The following CHRM3 variants were observed in gnomAD, a reference collection of about 807,000 sequenced individuals.
CHRM3 encodes muscarinic acetylcholine receptor M3.
In CHRM3, 11 loss-of-function variants were observed where a neutral mutation model predicts 41.8. The ratio of observed to expected loss-of-function variants is 0.26; its 90% confidence interval spans 0.17 to 0.44. The LOEUF is 0.44. Among genes scored for constraint, CHRM3 ranks in the 20% least tolerant of loss-of-function variants. The pLI, the probability that CHRM3 is intolerant of heterozygous loss-of-function variation, is 1.00. For synonymous variants in CHRM3, 297 were observed against 301.4 expected, an observed-to-expected ratio of 0.99 and a Z score of 0.15; for missense variants, 571 against 745.4, an observed-to-expected ratio of 0.77 and a Z score of 2.72.
At chr1:239,874,285 GTATATATATA>G (rs758413973) in intron 6 of CHRM3, among the ~76,000 whole-genome samples, 5,954 of 82,924 alleles carry the variant, frequency 0.072, 333 homozygotes, top group Non-Finnish European at 0.079. Context: ...TATATACACA[GTATATATATA>G]TATATATATA....
At chr1:239,832,265 G>A (rs527387294) in intron 6 of CHRM3, among the ~76,000 whole-genome samples, 5 of 152,000 alleles carry the variant, frequency 3.3e-5, no homozygotes, top group Non-Finnish European at 7.4e-5. Context: ...TTATAATTTT[G>A]TCAAGCTGAG....
At chr1:239,867,731 A>T (rs1383812085) in intron 6 of CHRM3, among the ~76,000 whole-genome samples, 2 of 151,882 alleles carry the variant, frequency 1.3e-5, no homozygotes, top group African/African-American at 2.4e-5. Context: ...AGATGGCGGA[A>T]CTTAACATCG....
intron 1 of CHRM3, among the ~76,000 whole-genome samples, chr1:239,407,373 A>G (rs1159416448): frequency 7.0e-6 from 1 of 142,936 alleles, no homozygotes; most frequent in Non-Finnish European, 1.6e-5. Context: ...AACGCCCACT[A>G]CAATATGAGC....
chr1:239,658,298 A>G lies in CHRM3; in HGVS notation c.-249-19888A>G, dbSNP rs532049976. On this transcript the variant is annotated intron_variant, in intron 4 of 6. Coordinates refer to ENST00000676153, the MANE Select transcript of CHRM3 (RefSeq NM_001375978.1). ...ATTCTGATGTGTACCAAATTTAAAAATAGTTGTATTTCTCATAATAACTAG... is the reference window on the plus strand; with the variant it reads ...ATTCTGATGTGTACCAAATTTAAAAGTAGTTGTATTTCTCATAATAACTAG... Among the ~76,000 whole-genome samples the G allele has an allele frequency of 7.2e-5, 11 of 152,338 alleles. No homozygotes were observed. In the South Asian group the frequency reaches 2.3e-3, roughly 32 times the overall value.
chr1:239,734,786 T>C (rs1037899563), intron 5 of CHRM3, among the ~76,000 whole-genome samples: 1 of 152,092 alleles, frequency 6.6e-6, no homozygotes, highest in African/African-American at 2.4e-5. Flanking sequence ...TGATGAGATA[T>C]CTGGGATTTG....
At chr1:239,395,428 T>C (rs1269047043) in intron 1 of CHRM3, among the ~76,000 whole-genome samples, 1 of 152,160 alleles carries the variant, frequency 6.6e-6, no homozygotes, top group Non-Finnish European at 1.5e-5. Context: ...GCTCAAATGT[T>C]ATGAATAAAT....
intron 4 of CHRM3, among the ~76,000 whole-genome samples, chr1:239,660,277 C>G (rs1673070191): frequency 6.6e-6 from 1 of 152,208 alleles, no homozygotes; most frequent in African/African-American, 2.4e-5. Flanking sequence ...GCCATTACAC[C>G]TGGCCCTAAC....
intron 3 of CHRM3, 161 bp from the exon 4 acceptor site, chr1:239,632,063 G>A: frequency 6.6e-6 from 1 of 152,160 alleles, no homozygotes; most frequent in East Asian, 1.9e-4. Flanking sequence ...GGTACATGAG[G>A]TTAGGCACCA....
chr1:239,437,023 A>C (rs1477779395), intron 1 of CHRM3, among the ~76,000 whole-genome samples: 1 of 152,058 alleles, frequency 6.6e-6, no homozygotes, highest in Non-Finnish European at 1.5e-5. Flanking sequence ...TCACACAGGA[A>C]CTCTTAAAAA....
At chr1:239,404,821 C>T (rs1473802684) in intron 1 of CHRM3, among the ~76,000 whole-genome samples, 32 of 147,310 alleles carry the variant, frequency 2.2e-4, no homozygotes, top group Non-Finnish European at 4.2e-4. Context: ...CTCAAATATA[C>T]GCAGTTCTTA....
At chr1:239,856,126 T>C (rs1190576458) in intron 6 of CHRM3, among the ~76,000 whole-genome samples, 1 of 152,088 alleles carries the variant, frequency 6.6e-6, no homozygotes, top group African/African-American at 2.4e-5. Context: ...CCTATCTCTA[T>C]GTTCACATCT....
chr1:239,621,181 A>G (rs985705226), intron 3 of CHRM3, among the ~76,000 whole-genome samples: 8 of 152,152 alleles, frequency 5.3e-5, no homozygotes, highest in African/African-American at 1.7e-4. Flanking sequence ...GATGCCATAA[A>G]CCACTCCCAT....
intron 3 of CHRM3, among the ~76,000 whole-genome samples, chr1:239,617,639 G>A (rs1363879556): frequency 6.6e-6 from 1 of 152,130 alleles, no homozygotes; most frequent in Non-Finnish European, 1.5e-5. Flanking sequence ...GAGACTGAGG[G>A]AGGAGGATTA....
intron 3 of CHRM3, among the ~76,000 whole-genome samples, chr1:239,608,211 TTTAGTTATAAATAAAATTCCTTTC>T (rs1227289741): frequency 1.7e-4 from 26 of 152,230 alleles, no homozygotes; most frequent in African/African-American, 6.3e-4. Flanking sequence ...TTTGAAACCA[TTTAGTTATAAATAAAATTCCTTTC>T]TCATTGGCTG....
intron 2 of CHRM3, among the ~76,000 whole-genome samples, chr1:239,539,343 A>T (rs1658510045): frequency 6.6e-6 from 1 of 152,162 alleles, no homozygotes. Flanking sequence ...CCTAAGATGA[A>T]AGTCTGAAGC....
intron 3 of CHRM3, among the ~76,000 whole-genome samples, chr1:239,547,350 T>C (rs537902600): frequency 3.9e-5 from 6 of 152,286 alleles, no homozygotes; most frequent in Admixed American, 6.5e-5. Context: ...TAAAAAGAGA[T>C]CTATCTGATT....
intron 1 of CHRM3, among the ~76,000 whole-genome samples, chr1:239,428,186 A>G (rs921933361): frequency 1.3e-5 from 2 of 152,222 alleles, no homozygotes; most frequent in Non-Finnish European, 2.9e-5. Context: ...TATCCAAGGA[A>G]GGGAGGCAGT....
chr1:239,911,810 G>A lies in CHRM3; in HGVS notation c.*2586G>A, dbSNP rs1478223760. The A allele has an allele frequency of 6.0e-6, 1 of 166,836 alleles. No individual in the cohort carries two copies. Among genetic ancestry groups the A allele is most frequent in the African/African-American group, 2.4e-5 (1 of 41,414 alleles). 10.3% of individuals were successfully genotyped at this position (166,836 alleles called of 1,614,324 possible). On this transcript the variant is annotated 3_prime_UTR_variant, in exon 7 of 7. Coordinates refer to ENST00000676153, the MANE Select transcript of CHRM3 (RefSeq NM_001375978.1). ...ATACTATCTACTGATTTTATAGAAA[G>A]GTATGTCCATTTCTTGGGTCACTTT...
At position 239,906,048 on chromosome 1, in the gene CHRM3, A is replaced by G. The variant is rs779943434; in HGVS notation, c.-19-1385A>G. On this transcript the variant is annotated intron_variant, in intron 6 of 6. Transcript: ENST00000676153. Reference sequence around the variant, plus strand: ...AGAAAATTATCATTCCCATTTTTCAATGAGAAAACTTGGACTCAAAGAAGT... The same window carrying G: ...AGAAAATTATCATTCCCATTTTTCAGTGAGAAAACTTGGACTCAAAGAAGT... Among the ~76,000 whole-genome samples, 93 of 152,180 alleles carry G rather than the reference A, an allele frequency of 6.1e-4. 1 individual carries two copies. Among genetic ancestry groups the G allele is most frequent in the Non-Finnish European group, 1.1e-3 (75 of 68,024 alleles).
Sources: allele counts gnomAD v4.1 joint callset (sites outside exome capture counted in the v4.1 genomes callset), GRCh38; gene constraint gnomAD v4.1.1; transcripts MANE v1.5; gene names NCBI Gene and HGNC (gene_info 2026-07-23, HGNC 2026-07-21).